The following SV2C variants were observed in gnomAD, a reference collection of about 807,000 sequenced individuals.
SV2C encodes solute carrier family 22 member B3.
SV2C carries 49 observed loss-of-function variants against 79.7 expected under a neutral mutation model. The observed-to-expected ratio is 0.61, with a 90% CI of 0.49 to 0.78. The LOEUF (loss-of-function observed/expected upper bound fraction) is 0.78, where lower values mean the gene tolerates loss of function less well. SV2C is among the 30% of genes least tolerant of loss of function. The pLI is 0.00. For synonymous variants in SV2C, 334 were observed against 333.2 expected, an observed-to-expected ratio of 1.00 and a Z score of -0.03; for missense variants, 833 against 912.9, an observed-to-expected ratio of 0.91 and a Z score of 1.13.
At chr5:76,025,138 T>C in the SV2C span, among the ~76,000 whole-genome samples, 3 of 150,218 alleles carry the variant, frequency 2.0e-5, no homozygotes, top group Non-Finnish European at 4.4e-5. Flanking sequence ...TAATAAAATA[T>C]CATAACACAA....
chr5:75,963,336 G>T, the SV2C span, among the ~76,000 whole-genome samples: 4 of 152,122 alleles, frequency 2.6e-5, no homozygotes, highest in Admixed American at 1.3e-4. Context: ...CTTAGAAAGA[G>T]TGTATGGGAG....
chr5:75,990,440 G>T, the SV2C span, among the ~76,000 whole-genome samples: 1 of 151,892 alleles, frequency 6.6e-6, no homozygotes, highest in Non-Finnish European at 1.5e-5. Context: ...TGTGCACTGC[G>T]TGAGTTAATA....
At chr5:75,862,098 A>G in the SV2C span, among the ~76,000 whole-genome samples, 1 of 152,214 alleles carries the variant, frequency 6.6e-6, no homozygotes, top group Non-Finnish European at 1.5e-5. Flanking sequence ...AAGCAACATG[A>G]TCATTTCCCA....
intron 4 of SV2C, among the ~76,000 whole-genome samples, chr5:76,257,207 ATTG>A (rs1746297514): frequency 6.6e-6 from 1 of 151,792 alleles, no homozygotes; most frequent in Non-Finnish European, 1.5e-5. Flanking sequence ...CTTTATACTT[ATTG>A]TTGTCACTGG....
intron 1 of SV2C, among the ~76,000 whole-genome samples, chr5:76,110,888 A>C (rs1459108904): frequency 1.3e-5 from 2 of 152,344 alleles, no homozygotes; most frequent in East Asian, 3.9e-4. Context: ...AACAAGATTC[A>C]GAGCCAGAAA....
intron 4 of SV2C, among the ~76,000 whole-genome samples, chr5:76,258,117 T>G (rs1746348566): frequency 6.9e-6 from 1 of 144,910 alleles, no homozygotes; most frequent in Admixed American, 7.0e-5. Flanking sequence ...GGGGGTGTGG[T>G]GTATGGTATA....
At chr5:76,053,580 A>G in the SV2C span, among the ~76,000 whole-genome samples, 1 of 152,196 alleles carries the variant, frequency 6.6e-6, no homozygotes, top group Non-Finnish European at 1.5e-5. Flanking sequence ...TCTCCTTTAC[A>G]ATAAAAGAAA....
rs1173432500 is a variant in SV2C at position 76,131,984 on chromosome 5, C to T, written c.234C>T (p.Ala78=). The change falls in exon 2 of 13, where the codon GCC becomes GCT. Residue 78 remains alanine (A), a synonymous_variant. Transcript: ENST00000502798. ...EANDDEGSSE[A]TEGHDEDDEI... ...ACGATGACGAAGGCTCAAGTGAAGCCACTGAGGGGCATGATGAAGATGATG... is the reference window on the plus strand; with the variant it reads ...ACGATGACGAAGGCTCAAGTGAAGCTACTGAGGGGCATGATGAAGATGATG... The T allele has an allele frequency of 1.2e-6, 2 of 1,613,630 alleles. No homozygotes were observed. The highest frequency in any genetic ancestry group is 3.3e-5 in the Admixed American group (2 of 59,964).
chr5:76,122,436 C>A (rs1206685824), intron 1 of SV2C, among the ~76,000 whole-genome samples: 3 of 151,880 alleles, frequency 2.0e-5, no homozygotes, highest in African/African-American at 4.8e-5. Context: ...AGAGGGCATC[C>A]CTGTCTTGTG....
the SV2C span, among the ~76,000 whole-genome samples, chr5:76,055,321 T>C: frequency 6.6e-6 from 1 of 152,196 alleles, no homozygotes; most frequent in African/African-American, 2.4e-5. Context: ...ATGTGTGGTA[T>C]GATTTCTGAG....
chr5:76,005,303 A>G, the SV2C span, among the ~76,000 whole-genome samples: 7 of 152,352 alleles, frequency 4.6e-5, no homozygotes, highest in Admixed American at 2.0e-4. Context: ...AAAAATATAA[A>G]TGTTTGAAAG....
chr5:76,072,206 A>G, the SV2C span, among the ~76,000 whole-genome samples: 9 of 152,344 alleles, frequency 5.9e-5, no homozygotes, highest in Admixed American at 3.3e-4. Flanking sequence ...AGTTCCTTAT[A>G]TAGAAAAACT....
chr5:76,203,341 G>T (rs1205551250), intron 3 of SV2C, among the ~76,000 whole-genome samples: 1 of 152,124 alleles, frequency 6.6e-6, no homozygotes, highest in Non-Finnish European at 1.5e-5. Context: ...GTAAATGAAG[G>T]GTGGGTGGGA....
the SV2C span, among the ~76,000 whole-genome samples, chr5:75,930,844 T>C: frequency 6.6e-6 from 1 of 152,200 alleles, no homozygotes; most frequent in Non-Finnish European, 1.5e-5. Flanking sequence ...TGAAGAGTAA[T>C]AATGAGCAGG....
chr5:76,025,374 G>A, the SV2C span, among the ~76,000 whole-genome samples: 1 of 152,166 alleles, frequency 6.6e-6, no homozygotes, highest in South Asian at 2.1e-4. Flanking sequence ...ACAGCCAGGA[G>A]ACTAATATGT....
At chr5:76,310,415 T>C (rs1748391229) in intron 12 of SV2C, among the ~76,000 whole-genome samples, 6 of 152,154 alleles carry the variant, frequency 3.9e-5, no homozygotes, top group Admixed American at 3.9e-4. Flanking sequence ...GCAAAGGTCC[T>C]GAGGTGGGAG....
At position 76,243,012 on chromosome 5, in the gene SV2C, T is replaced by TAAAAAAAAAAAAAAAAA. The variant is rs559052290; in HGVS notation, c.913+33137_913+33153dup. 5.6e-4 allele frequency among the ~76,000 whole-genome samples: 28 copies of TAAAAAAAAAAAAAAAAA among 49,926 alleles called. 1 individual carries two copies. The highest frequency in any genetic ancestry group is 6.3e-4 in the East Asian group (1 of 1,592). The allele number at this position is 49,926 out of a possible 152,430, so 32.8% of individuals were successfully genotyped here. ...CTGTGCAACAGATCGAGACCCCATCTAAAAAAAAAAAAAAAAAAAAAAAAA... is the reference window on the plus strand; with the variant it reads ...CTGTGCAACAGATCGAGACCCCATCTAAAAAAAAAAAAAAAAAAAAAAAAAAAAAAAAAAAAAAAAAA... On this transcript the variant is annotated intron_variant, in intron 4 of 12. Coordinates refer to ENST00000502798, the MANE Select transcript of SV2C (RefSeq NM_014979.4).
intron 12 of SV2C, among the ~76,000 whole-genome samples, chr5:76,313,119 G>A (rs1748510023): frequency 6.6e-6 from 1 of 152,092 alleles, no homozygotes. Context: ...AGCATCTCAG[G>A]GCCTTTCTAG....
At chr5:76,172,393 G>C (rs1580327263) in intron 2 of SV2C, among the ~76,000 whole-genome samples, 1 of 66,874 alleles carries the variant, frequency 1.5e-5, no homozygotes, top group Non-Finnish European at 2.9e-5. Flanking sequence ...CCCTCTGCCC[G>C]GCCAGCCGCC....
Sources: allele counts gnomAD v4.1 joint callset (sites outside exome capture counted in the v4.1 genomes callset), GRCh38; gene constraint gnomAD v4.1.1; transcripts MANE v1.5; gene names NCBI Gene and HGNC (gene_info 2026-07-23, HGNC 2026-07-21).